NCAM1: variants seen among roughly 807,000 people sequenced by gnomAD.
NCAM1 encodes neural cell adhesion molecule 1, also known as antigen recognized by monoclonal antibody 5.1H11.
In NCAM1, 14 loss-of-function variants were observed where a neutral mutation model predicts 109.8. That is an observed-to-expected ratio of 0.13 (90% CI 0.08 to 0.20). NCAM1 has a LOEUF of 0.20. NCAM1 is among the 10% of genes least tolerant of loss of function. NCAM1 has a pLI of 1.00. For missense variants in NCAM1, 774 were observed against 1,109.9 expected (o/e 0.70, Z 4.30); for synonymous variants, 418 against 442.9 (o/e 0.94, Z 0.70).
intron 1 of NCAM1, among the ~76,000 whole-genome samples, chr11:113,107,112 A>G (rs1190992199): frequency 1.3e-5 from 2 of 152,262 alleles, no homozygotes; most frequent in Non-Finnish European, 2.9e-5. Context: ...GGCTTCAACC[A>G]TTTAAGCTCA....
intron 1 of NCAM1, among the ~76,000 whole-genome samples, chr11:113,083,452 G>A (rs1938935727): frequency 6.6e-6 from 1 of 152,082 alleles, no homozygotes. Flanking sequence ...TGTTTCATTG[G>A]GCTGAAGTGA....
chr11:113,013,388 T>G (rs1433943144), intron 1 of NCAM1, among the ~76,000 whole-genome samples: 1 of 139,806 alleles, frequency 7.2e-6, no homozygotes, highest in East Asian at 2.1e-4. Flanking sequence ...GATTGTGCCA[T>G]TGCACTCCTG....
At position 113,034,275 on chromosome 11, in the gene NCAM1, C is replaced by CT. The variant is rs57374396; in HGVS notation, c.52+72622dup. On this transcript the variant is annotated intron_variant, in intron 1 of 19. Coordinates refer to ENST00000316851, the MANE Select transcript of NCAM1 (RefSeq NM_181351.5). ...GGGATTTGTCCTTGAGGACAATAGA[C>CT]TTTTTTTTTTTCACTTTCACCTACC... 6.4e-3 allele frequency among the ~76,000 whole-genome samples: 941 copies of CT among 148,030 alleles called. 10 individuals carry two copies. The highest frequency in any genetic ancestry group is 0.047 in the East Asian group (238 of 5,036).
intron 1 of NCAM1, among the ~76,000 whole-genome samples, chr11:113,028,172 C>G (rs550401236): frequency 2.0e-5 from 3 of 151,954 alleles, no homozygotes; most frequent in Non-Finnish European, 4.4e-5. Flanking sequence ...AGATAGCTAA[C>G]GAAGAAGATC....
intron 1 of NCAM1, among the ~76,000 whole-genome samples, chr11:113,122,517 C>T (rs1941008733): frequency 6.6e-6 from 1 of 152,212 alleles, no homozygotes; most frequent in Admixed American, 6.5e-5. Flanking sequence ...GGCATGGTGG[C>T]TCATGCCTGT....
intron 14 of NCAM1, chr11:113,243,049 G>T: frequency 1.1e-6 from 1 of 915,360 alleles, no homozygotes; most frequent in Non-Finnish European, 1.3e-6. Context: ...CAAAAGAACG[G>T]GGTTGATTAT....
At chr11:113,166,583 G>A (rs1430966479) in intron 1 of NCAM1, among the ~76,000 whole-genome samples, 3 of 152,176 alleles carry the variant, frequency 2.0e-5, no homozygotes, top group Non-Finnish European at 4.4e-5. Flanking sequence ...CAAAGTACAA[G>A]GAATAATAAA....
chr11:113,017,368 A>G (rs1172563121), intron 1 of NCAM1, among the ~76,000 whole-genome samples: 12 of 152,204 alleles, frequency 7.9e-5, no homozygotes, highest in Non-Finnish European at 1.5e-4. Flanking sequence ...ATGCTTTTCA[A>G]ATCTTTAGAA....
At chr11:113,054,622 T>C (rs182067411) in intron 1 of NCAM1, among the ~76,000 whole-genome samples, 27 of 152,348 alleles carry the variant, frequency 1.8e-4, no homozygotes, top group Non-Finnish European at 2.8e-4. Context: ...TGAGAGAGGC[T>C]GTTTTCACTG....
chr11:113,163,153 C>G (rs1295994296), intron 1 of NCAM1, among the ~76,000 whole-genome samples: 1 of 152,180 alleles, frequency 6.6e-6, no homozygotes, highest in African/African-American at 2.4e-5. Context: ...TCCTTCTGCT[C>G]AAGAGAAGAT....
Position 113,025,129 on chromosome 11 carries a change from G to T in NCAM1, c.52+63465G>T, listed in dbSNP as rs1555076955. On this transcript the variant is annotated intron_variant, in intron 1 of 19. Transcript: ENST00000316851. ...TGACCATTTAGTATGCAAATCACCA[G>T]AATTAAATAATTTGCTTAACTAACA... 2.0e-5 allele frequency among the ~76,000 whole-genome samples: 3 copies of T among 152,092 alleles called. No individual in the cohort carries two copies. In the East Asian group the frequency reaches 5.8e-4, roughly 29 times the overall value.
chr11:113,202,969 G>A (rs1944115342), intron 2 of NCAM1, among the ~76,000 whole-genome samples: 1 of 152,156 alleles, frequency 6.6e-6, no homozygotes. Context: ...TGTGAATATC[G>A]ATATTCTGTG....
At chr11:113,222,259 G>A (rs1944711422) in intron 9 of NCAM1, among the ~76,000 whole-genome samples, 1 of 152,186 alleles carries the variant, frequency 6.6e-6, no homozygotes, top group African/African-American at 2.4e-5. Flanking sequence ...TATAGATTCT[G>A]TATTTTAATT....
At chr11:113,127,852 G>A (rs538986813) in intron 1 of NCAM1, among the ~76,000 whole-genome samples, 2 of 152,302 alleles carry the variant, frequency 1.3e-5, no homozygotes, top group South Asian at 4.1e-4. Context: ...TTGGGTATGT[G>A]GAACTCAGAA....
chr11:113,242,401 C>T (rs1350157579), intron 14 of NCAM1, among the ~76,000 whole-genome samples: 1 of 152,126 alleles, frequency 6.6e-6, no homozygotes, highest in African/African-American at 2.4e-5. Flanking sequence ...GGGTGGATTG[C>T]TTGAGGCCAG....
intron 1 of NCAM1, among the ~76,000 whole-genome samples, chr11:113,036,578 C>T (rs562508291): frequency 7.9e-5 from 12 of 152,126 alleles, no homozygotes; most frequent in Non-Finnish European, 1.5e-4. Context: ...TGTCTACTCC[C>T]AGGTCCCCCA....
At chr11:113,126,025 T>G (rs558252266) in intron 1 of NCAM1, among the ~76,000 whole-genome samples, 1 of 151,342 alleles carries the variant, frequency 6.6e-6, no homozygotes, top group African/African-American at 2.4e-5. Context: ...GGTGTGGTGG[T>G]GCATGCCTGT....
At chr11:113,093,346 A>G (rs1939444279) in intron 1 of NCAM1, among the ~76,000 whole-genome samples, 1 of 152,228 alleles carries the variant, frequency 6.6e-6, no homozygotes, top group Non-Finnish European at 1.5e-5. Context: ...ACTCAAGGAA[A>G]GCTTGTTTCA....
At position 113,260,457 on chromosome 11, in the gene NCAM1, C is replaced by A. The variant is rs1555123131; in HGVS notation, c.2131+134C>A. On this transcript the variant is annotated intron_variant, in intron 17 of 19. Transcript: ENST00000316851. ...CTCATGATTGGTTGCCCATGCAAAG[C>A]TTAGTTTTGCCTTGTACCTATCTGT... 4.9e-6 allele frequency: 5 copies of A among 1,015,586 alleles called. No homozygotes were observed. The South Asian group carries it at 6.6e-5, about 13-fold the overall frequency. The allele number at this position is 1,015,586 out of a possible 1,614,324, so 62.9% of individuals were successfully genotyped here.
Sources: allele counts gnomAD v4.1 joint callset (sites outside exome capture counted in the v4.1 genomes callset), GRCh38; gene constraint gnomAD v4.1.1; transcripts MANE v1.5; gene names NCBI Gene and HGNC (gene_info 2026-07-23, HGNC 2026-07-21).